LRBA: variants seen among roughly 807,000 people sequenced by gnomAD.
The protein encoded by LRBA is lipopolysaccharide-responsive and beige-like anchor protein.
Under a neutral mutation model 330.0 loss-of-function variants are expected in LRBA, and 176 were observed. That is an observed-to-expected ratio of 0.53 (90% CI 0.47 to 0.60). LRBA has a LOEUF of 0.60. LRBA is among the 20% of genes least tolerant of loss of function. The pLI, the probability that LRBA is intolerant of heterozygous loss-of-function variation, is 0.00. For synonymous variants in LRBA, 1,230 were observed against 1,193.0 expected, an observed-to-expected ratio of 1.03 and a Z score of -0.64; for missense variants, 3,259 against 3,444.8, an observed-to-expected ratio of 0.95 and a Z score of 1.35.
chr4:150,549,264 A>C (rs543687847), intron 40 of LRBA, among the ~76,000 whole-genome samples: 9 of 151,414 alleles, frequency 5.9e-5, no homozygotes, highest in East Asian at 1.9e-4. Flanking sequence ...CTATTTGTAT[A>C]TTTTTTCTAT....
At chr4:150,430,203 G>A (rs774749416) in intron 46 of LRBA, among the ~76,000 whole-genome samples, 10 of 152,022 alleles carry the variant, frequency 6.6e-5, no homozygotes, top group Non-Finnish European at 1.3e-4. Flanking sequence ...TGGCATTACT[G>A]AATATAAGCC....
intron 46 of LRBA, among the ~76,000 whole-genome samples, chr4:150,424,402 C>T (rs981781555): frequency 4.6e-5 from 7 of 152,166 alleles, no homozygotes; most frequent in African/African-American, 1.7e-4. Context: ...AAAAAGAGAC[C>T]CAAAACACTT....
At chr4:150,983,055 G>A (rs1741031631) in intron 2 of LRBA, among the ~76,000 whole-genome samples, 1 of 152,006 alleles carries the variant, frequency 6.6e-6, no homozygotes, top group Non-Finnish European at 1.5e-5. Context: ...ACTCCAGCCT[G>A]GGCAACAGAG....
chr4:150,903,898 G>A (rs755643138), intron 13 of LRBA, among the ~76,000 whole-genome samples: 1 of 152,122 alleles, frequency 6.6e-6, no homozygotes, highest in Non-Finnish European at 1.5e-5. Flanking sequence ...TAAATTCTAT[G>A]AGGGCAAGTA....
intron 35 of LRBA, among the ~76,000 whole-genome samples, chr4:150,739,305 C>G (rs1731625843): frequency 6.6e-6 from 1 of 151,578 alleles, no homozygotes; most frequent in Non-Finnish European, 1.5e-5. Context: ...GAACATTATA[C>G]CCAGTAAGTG....
At chr4:150,287,447 G>T (rs576578676) in intron 53 of LRBA, among the ~76,000 whole-genome samples, 1 of 152,326 alleles carries the variant, frequency 6.6e-6, no homozygotes, top group East Asian at 1.9e-4. Context: ...AAGAAAAGGT[G>T]AGAGGCTTCT....
At chr4:150,865,907 C>T (rs959195038) in intron 22 of LRBA, among the ~76,000 whole-genome samples, 11 of 151,680 alleles carry the variant, frequency 7.3e-5, no homozygotes, top group Non-Finnish European at 1.0e-4. Flanking sequence ...GTAGAGATGG[C>T]GTTTCACCAT....
At chr4:150,341,357 A>T (rs1313077573) in intron 48 of LRBA, among the ~76,000 whole-genome samples, 3 of 151,956 alleles carry the variant, frequency 2.0e-5, no homozygotes, top group Non-Finnish European at 4.4e-5. Flanking sequence ...TTTTAGGAAC[A>T]GGGTCTCACT....
chr4:150,867,044 T>C (rs561595968), intron 22 of LRBA, among the ~76,000 whole-genome samples: 2 of 150,864 alleles, frequency 1.3e-5, no homozygotes, highest in African/African-American at 4.9e-5. Flanking sequence ...ATCCTTTTTG[T>C]ATGCTTAGAG....
intron 43 of LRBA, among the ~76,000 whole-genome samples, chr4:150,470,154 G>A (rs773839896): frequency 7.9e-5 from 12 of 152,176 alleles, no homozygotes; most frequent in Admixed American, 3.3e-4. Context: ...TTGCACTCCA[G>A]CCTGGGGAAG....
intron 56 of LRBA, among the ~76,000 whole-genome samples, chr4:150,269,081 TAACA>T (rs1038679029): frequency 1.3e-5 from 2 of 152,100 alleles, no homozygotes; most frequent in Non-Finnish European, 2.9e-5. Flanking sequence ...TTTTATACAC[TAACA>T]AACAATGAGC....
intron 2 of LRBA, among the ~76,000 whole-genome samples, chr4:150,951,697 C>A (rs953604726): frequency 1.3e-5 from 2 of 151,904 alleles, no homozygotes; most frequent in African/African-American, 4.8e-5. Flanking sequence ...TATATAAATC[C>A]TTGTAAATAA....
At chr4:150,332,431 CT>C (rs1734108827) in intron 48 of LRBA, among the ~76,000 whole-genome samples, 1 of 152,108 alleles carries the variant, frequency 6.6e-6, no homozygotes, top group East Asian at 1.9e-4. Flanking sequence ...ATTCTAATTA[CT>C]GGTTTAATTT....
intron 40 of LRBA, among the ~76,000 whole-genome samples, chr4:150,543,994 G>T (rs1296631563): frequency 6.6e-6 from 1 of 152,234 alleles, no homozygotes; most frequent in Admixed American, 6.5e-5. Context: ...ATTGGGTTTA[G>T]TTACTAGCTT....
At chr4:150,313,842 A>G (rs111368233) in intron 51 of LRBA, among the ~76,000 whole-genome samples, 321 of 70,452 alleles carry the variant, frequency 4.6e-3, no homozygotes, top group African/African-American at 0.019. Context: ...TATATAATGT[A>G]TATATATATA....
chr4:150,596,900 G>GT (rs893994767), intron 38 of LRBA, among the ~76,000 whole-genome samples: 2 of 150,764 alleles, frequency 1.3e-5, no homozygotes, highest in East Asian at 1.9e-4. Context: ...TAGAATTTGT[G>GT]TTTTTTTAAA....
At chr4:150,599,176 A>G (rs978970184) in intron 37 of LRBA, 45 bp from the exon 38 acceptor site, 8 of 1,605,340 alleles carry the variant, frequency 5.0e-6, no homozygotes, top group Non-Finnish European at 6.0e-6. Flanking sequence ...ATTATCAAAC[A>G]GCGTGGTAGC....
intron 38 of LRBA, among the ~76,000 whole-genome samples, chr4:150,597,998 G>T (rs193202001): frequency 6.6e-6 from 1 of 152,038 alleles, no homozygotes; most frequent in Non-Finnish European, 1.5e-5. Flanking sequence ...GGCTCTTTAA[G>T]GCTGAGTGCA....
At chr4:150,560,167 A>T (rs1234964647) in intron 40 of LRBA, among the ~76,000 whole-genome samples, 1 of 150,924 alleles carries the variant, frequency 6.6e-6, no homozygotes, top group Non-Finnish European at 1.5e-5. Context: ...AATGGCTCAG[A>T]AAAAAAGTGG....
Sources: allele counts gnomAD v4.1 joint callset (sites outside exome capture counted in the v4.1 genomes callset), GRCh38; gene constraint gnomAD v4.1.1; transcripts MANE v1.5; gene names NCBI Gene and HGNC (gene_info 2026-07-23, HGNC 2026-07-21).